METTL3: variants seen among roughly 807,000 people sequenced by gnomAD.
METTL3 encodes the protein N(6)-adenosine-methyltransferase catalytic subunit METTL3.
Under a neutral mutation model 64.3 loss-of-function variants are expected in METTL3, and 42 were observed. The observed-to-expected ratio is 0.65, with a 90% CI of 0.51 to 0.84. The LOEUF is 0.84. Ranked by LOEUF, METTL3 falls within the 40% of genes least tolerant of loss-of-function variation. METTL3 has a pLI of 0.00. For synonymous variants in METTL3, 256 were observed against 263.6 expected, an observed-to-expected ratio of 0.97 and a Z score of 0.28; for missense variants, 435 against 722.3, an observed-to-expected ratio of 0.60 and a Z score of 4.56.
chr14:21,503,106 G>A (rs973512159), intron 3 of METTL3, 67 bp downstream of exon 3: 2 of 1,513,852 alleles, frequency 1.3e-6, no homozygotes, highest in Admixed American at 1.9e-5. Flanking sequence ...TGCCCTAGGG[G>A]TAAATCCCTG....
intron 1 of METTL3, chr14:21,504,220 G>A (rs974608182): frequency 2.9e-5 from 8 of 271,284 alleles, no homozygotes; most frequent in Non-Finnish European, 5.8e-5. Context: ...TAAAGGACAG[G>A]AATATACTCA....
intron 1 of METTL3, among the ~76,000 whole-genome samples, chr14:21,506,734 G>A (rs896980277): frequency 5.9e-5 from 9 of 152,216 alleles, no homozygotes; most frequent in African/African-American, 2.2e-4. Flanking sequence ...CCTTCAAAAG[G>A]AAGGAGGCCA....
chr14:21,510,923 C>G, intron 1 of METTL3: 1 of 572,192 alleles, frequency 1.7e-6, no homozygotes, highest in Admixed American at 3.5e-5. Flanking sequence ...GCTGGAAGAA[C>G]CGAGGCCCAG....
chr14:21,499,707 A>G (rs1458632747), intron 7 of METTL3, 57 bp downstream of exon 7: 4 of 1,581,978 alleles, frequency 2.5e-6, no homozygotes, highest in Non-Finnish European at 3.5e-6. Flanking sequence ...AGAAGAGAAC[A>G]TGTATCTCAC....
intron 1 of METTL3, chr14:21,510,914 C>G (rs1004180409): frequency 6.0e-5 from 33 of 547,582 alleles, no homozygotes; most frequent in Admixed American, 2.1e-4. Flanking sequence ...TAAAAGTGAG[C>G]TGGAAGAACC....
rs1028810882 is a variant in METTL3 at position 21,511,176 on chromosome 14, G to A, written c.48C>T (p.Asp16=). The A allele has an allele frequency of 6.2e-7, 1 of 1,614,006 alleles. No homozygotes were observed. Residue 16 remains aspartate, a synonymous_variant, in exon 1 of 11, where the codon GAC becomes GAT. Transcript: ENST00000298717. The part of the protein sequence containing the change: ...SSIQAHKKQL[D]SLRERLQRRR... Reference sequence around the variant, plus strand: ...TCCGCTGCAGCCTCTCCCGCAGAGAGTCCAGCTGCTTCTTGTGGGCCTGGA... The same window carrying A: ...TCCGCTGCAGCCTCTCCCGCAGAGAATCCAGCTGCTTCTTGTGGGCCTGGA...
chr14:21,502,840 G>A (rs1451558061), intron 3 of METTL3: 1 of 225,786 alleles, frequency 4.4e-6, no homozygotes, highest in Non-Finnish European at 8.8e-6. Context: ...CAGATTCAGT[G>A]ACAGATTATC....
Position 21,501,968 on chromosome 14 carries a change from C to T in METTL3, c.724-65G>A, listed in dbSNP as rs144285887. Reference sequence around the variant, plus strand: ...ATCAAATTGGCTCTTAGACCAACTCCGCAAATTCTTTTTGACATTAATGTC... The same window carrying T: ...ATCAAATTGGCTCTTAGACCAACTCTGCAAATTCTTTTTGACATTAATGTC... On this transcript the variant is annotated intron_variant, in intron 3 of 10. Coordinates refer to ENST00000298717, the MANE Select transcript of METTL3 (RefSeq NM_019852.5). The T allele has an allele frequency of 1.2e-3, 1,751 of 1,424,686 alleles. 19 individuals carry two copies. In the African/African-American group the frequency reaches 0.022, roughly 18 times the overall value. 88.3% of individuals were successfully genotyped at this position (1,424,686 alleles called of 1,614,324 possible). A position where few individuals can be genotyped will look rare whatever the true frequency, so the allele number is the denominator to read the frequency against.
chr14:21,503,080 G>T, intron 3 of METTL3, 93 bp downstream of exon 3: 2 of 1,355,882 alleles, frequency 1.5e-6, no homozygotes, highest in Non-Finnish European at 2.0e-6. Flanking sequence ...GAGAACCACT[G>T]CTGTAAACAG....
intron 1 of METTL3, 25 bp downstream of exon 1, chr14:21,511,098 TC>T (rs1187456908): frequency 6.2e-7 from 1 of 1,611,180 alleles, no homozygotes; most frequent in African/African-American, 1.3e-5. Flanking sequence ...CGGTTGAGCC[TC>T]GGCCCCAACA....
chr14:21,498,410 A>C (rs1891462379), intron 10 of METTL3, 41 bp from the exon 11 acceptor site: 2 of 1,596,640 alleles, frequency 1.3e-6, no homozygotes, highest in African/African-American at 2.7e-5. Flanking sequence ...GAAATCCTGG[A>C]ATTAGAGGGT....
At chr14:21,510,342 G>A (rs1251913552) in intron 1 of METTL3, among the ~76,000 whole-genome samples, 1 of 151,922 alleles carries the variant, frequency 6.6e-6, no homozygotes. Flanking sequence ...AAGATTTAGA[G>A]ATGCAGTTGA....
chr14:21,503,017 C>A (rs1268351019), intron 3 of METTL3, 156 bp downstream of exon 3: 3 of 828,774 alleles, frequency 3.6e-6, no homozygotes, highest in Non-Finnish European at 5.7e-6. Context: ...AAAAATGTCT[C>A]CGGACATTAC....
At chr14:21,509,818 A>C (rs989279488) in intron 1 of METTL3, among the ~76,000 whole-genome samples, 4 of 152,244 alleles carry the variant, frequency 2.6e-5, no homozygotes, top group Non-Finnish European at 5.9e-5. Flanking sequence ...ATCTATAAAT[A>C]AATCAATGAA....
chr14:21,506,719 T>A (rs182970091), intron 1 of METTL3, among the ~76,000 whole-genome samples: 144 of 152,144 alleles, frequency 9.5e-4, no homozygotes, highest in Non-Finnish European at 1.5e-3. Flanking sequence ...TGGAATATTA[T>A]TTATCCTTCA....
intron 6 of METTL3, 100 bp downstream of exon 6, chr14:21,500,394 AC>A: frequency 8.6e-7 from 1 of 1,168,946 alleles, no homozygotes; most frequent in South Asian, 1.3e-5. Context: ...AATCAGTCAT[AC>A]ATTTAATAGT....
Position 21,503,279 on chromosome 14 carries a change from G to A in METTL3, c.617C>T (p.Ala206Val). The change falls in exon 3 of 11, where the codon GCA becomes GTA. Residue 206 changes from alanine (A) to valine (V), a missense_variant. Physicochemically the swap from Ala to Val is moderately conservative, Grantham distance 64. Coordinates refer to ENST00000298717, the MANE Select transcript of METTL3 (RefSeq NM_019852.5). Reference sequence around the variant, plus strand: ...CCTTGATTTCTTGGCTGGCTCCTTTGCTGGTTCCGATGCTGAAGAGTTCAG... The same window carrying A: ...CCTTGATTTCTTGGCTGGCTCCTTTACTGGTTCCGATGCTGAAGAGTTCAG... ...SGLNSSASEPAKEPAKKSRKH... is the reference protein window; with the variant it reads ...SGLNSSASEPVKEPAKKSRKH... 1 of 1,614,144 alleles carries A rather than the reference G, an allele frequency of 6.2e-7. No individual in the cohort carries two copies. Among genetic ancestry groups the A allele is most frequent in the Non-Finnish European group, 8.5e-7 (1 of 1,180,028 alleles).
intron 1 of METTL3, among the ~76,000 whole-genome samples, chr14:21,505,305 G>T (rs1196971245): frequency 6.6e-6 from 1 of 152,196 alleles, no homozygotes; most frequent in Admixed American, 6.5e-5. Flanking sequence ...AAGTGAGTGA[G>T]AAAATTTTTA....
At chr14:21,502,035 A>ATTT in intron 3 of METTL3, 132 bp from the exon 4 acceptor site, 2 of 599,508 alleles carry the variant, frequency 3.3e-6, no homozygotes, top group African/African-American at 2.7e-5. Context: ...TTTTTTTTTA[A>ATTT]GAGATGGGAT....
Sources: gnomAD v4.1 joint callset for allele counts (sites outside exome capture counted in the v4.1 genomes callset) on GRCh38, gnomAD v4.1.1 for gene constraint, MANE v1.5 for transcripts, NCBI Gene and HGNC (gene_info 2026-07-23, HGNC 2026-07-21) for gene names.